Variants in DLG2 observed in about 807,000 individuals in gnomAD.
DLG2 encodes disks large homolog 2.
In DLG2, 45 loss-of-function variants were observed where a neutral mutation model predicts 132.5. The ratio of observed to expected loss-of-function variants is 0.34; its 90% CI spans 0.27 to 0.44. The LOEUF is 0.44. DLG2 is among the 20% of genes least tolerant of loss of function. The probability of loss-of-function intolerance (pLI) is 1.00; values close to 1 mark genes in which losing one functional copy is unlikely to be tolerated. For synonymous variants in DLG2, 424 were observed against 419.6 expected, an observed-to-expected ratio of 1.01 and a Z score of -0.13; for missense variants, 1,045 against 1,196.9, an observed-to-expected ratio of 0.87 and a Z score of 1.87.
At chr11:83,896,497 C>T (rs892179525) in intron 15 of DLG2, among the ~76,000 whole-genome samples, 1 of 152,138 alleles carries the variant, frequency 6.6e-6, no homozygotes, top group African/African-American at 2.4e-5. Context: ...GAAAGATGGA[C>T]CAGCCATATT....
chr11:85,540,498 CT>C (rs1318049404), intron 3 of DLG2, among the ~76,000 whole-genome samples: 11 of 152,298 alleles, frequency 7.2e-5, no homozygotes, highest in South Asian at 2.1e-4. Flanking sequence ...TTCCATCCCC[CT>C]CTGGCCTCCC....
intron 3 of DLG2, among the ~76,000 whole-genome samples, chr11:85,339,226 G>A (rs2082324963): frequency 6.6e-6 from 1 of 152,082 alleles, no homozygotes; most frequent in Non-Finnish European, 1.5e-5. Flanking sequence ...TACTCCATGT[G>A]GATTTGCCAT....
intron 11 of DLG2, among the ~76,000 whole-genome samples, chr11:84,013,201 A>C (rs1262666984): frequency 6.6e-6 from 1 of 152,116 alleles, no homozygotes; most frequent in Non-Finnish European, 1.5e-5. Flanking sequence ...GTTACATGGA[A>C]AGCAGAGATT....
intron 17 of DLG2, among the ~76,000 whole-genome samples, chr11:83,788,668 T>C (rs964186992): frequency 4.6e-5 from 7 of 152,230 alleles, no homozygotes; most frequent in Non-Finnish European, 8.8e-5. Context: ...GGAGGCTGAA[T>C]TGCACAAACT....
intron 7 of DLG2, among the ~76,000 whole-genome samples, chr11:84,351,094 T>C (rs2098565507): frequency 6.6e-6 from 1 of 152,162 alleles, no homozygotes; most frequent in Non-Finnish European, 1.5e-5. Flanking sequence ...TTTTCTGTAC[T>C]TTAAATTCCA....
chr11:85,617,246 G>A (rs543034156), intron 2 of DLG2, among the ~76,000 whole-genome samples: 83 of 152,272 alleles, frequency 5.5e-4, no homozygotes, highest in Non-Finnish European at 9.7e-4. Flanking sequence ...CGATGATGAT[G>A]ATAACACAGG....
Position 84,001,448 on chromosome 11 carries a change from A to G in DLG2, c.920-20806T>C, listed in dbSNP as rs992595149. ...ACCCAGCACTGGATCACCCAGATTCATAATACAAATATTACTAGTTCTGAA... is the reference window on the plus strand; with the variant it reads ...ACCCAGCACTGGATCACCCAGATTCGTAATACAAATATTACTAGTTCTGAA... On this transcript the variant is annotated intron_variant, in intron 11 of 27. Transcript: ENST00000376104. Among the ~76,000 whole-genome samples the G allele has an allele frequency of 5.9e-5, 9 of 152,096 alleles. No individual in the cohort carries two copies. In the South Asian group the frequency reaches 6.2e-4, roughly 10 times the overall value.
intron 17 of DLG2, among the ~76,000 whole-genome samples, chr11:83,787,734 C>A (rs1188108054): frequency 1.3e-5 from 2 of 152,140 alleles, no homozygotes; most frequent in African/African-American, 4.8e-5. Flanking sequence ...TTGCTAACTC[C>A]CATTTTGGGT....
intron 20 of DLG2, among the ~76,000 whole-genome samples, chr11:83,537,836 G>A (rs6592121): frequency 0.53 from 39,201 of 74,390 alleles, 10,316 homozygotes; most frequent in African/African-American, 0.59. Context: ...AAAAAAAAAA[G>A]AGAGAGAGAG....
rs139832723 is a variant in DLG2, at chr11:83,556,522, G to A, written c.1941-14664C>T. On this transcript the variant is annotated intron_variant, in intron 19 of 27. Transcript: ENST00000376104. ...TGTGTAGCTGGGACCACAGGCGTGC[G>A]CCAAACTGCCAGCTAATTTTTGTCT... Among the ~76,000 whole-genome samples, 1,116 of 152,012 alleles carry A rather than the reference G, an allele frequency of 7.3e-3. 18 individuals carry two copies. Among genetic ancestry groups the A allele is most frequent in the African/African-American group, 0.025 (1,045 of 41,476 alleles).
chr11:84,757,162 G>C (rs2066993687), intron 6 of DLG2, among the ~76,000 whole-genome samples: 1 of 151,892 alleles, frequency 6.6e-6, no homozygotes, highest in Non-Finnish European at 1.5e-5. Flanking sequence ...TTCATCCAAG[G>C]ACTCAGTGTG....
intron 4 of DLG2, among the ~76,000 whole-genome samples, chr11:85,267,502 C>A (rs2152727809): frequency 6.6e-6 from 1 of 152,178 alleles, no homozygotes; most frequent in Admixed American, 6.5e-5. Context: ...ATACCCCCCA[C>A]AAAAAACAAA....
At chr11:84,434,382 G>A (rs1178321192) in intron 7 of DLG2, among the ~76,000 whole-genome samples, 2 of 152,098 alleles carry the variant, frequency 1.3e-5, no homozygotes, top group Non-Finnish European at 2.9e-5. Context: ...AGACAAGACA[G>A]ATTAGTGGAT....
At chr11:83,511,103 C>G (rs1270046201) in intron 21 of DLG2, among the ~76,000 whole-genome samples, 1 of 150,786 alleles carries the variant, frequency 6.6e-6, no homozygotes, top group Non-Finnish European at 1.5e-5. Flanking sequence ...CACACACACA[C>G]ACACACACAC....
intron 3 of DLG2, among the ~76,000 whole-genome samples, chr11:85,546,419 G>A (rs1472999578): frequency 6.6e-6 from 1 of 152,086 alleles, no homozygotes; most frequent in African/African-American, 2.4e-5. Context: ...CAATTATGTG[G>A]CCAATTTTAG....
Position 83,461,087 on chromosome 11 carries a change from C to T in DLG2, c.2821+915G>A, listed in dbSNP as rs189917918. ...GCAGTAGCACGATCTCGGCTCACTG[C>T]GACCTCCACCTCCTGGGTTCAAGTG... On this transcript the variant is annotated intron_variant, in intron 27 of 27. Transcript: ENST00000376104. Among the ~76,000 whole-genome samples, 77 of 148,132 alleles carry T rather than the reference C, an allele frequency of 5.2e-4. No individual in the cohort carries two copies. In the East Asian group the frequency reaches 0.013, roughly 25 times the overall value.
At chr11:85,628,322 A>AT (rs201725960), upstream of DLG2, among the ~76,000 whole-genome samples, 1,282 of 152,352 alleles carry the variant, frequency 8.4e-3, 18 homozygotes, top group African/African-American at 0.03. Context: ...TCTTTCCCGC[A>AT]GGACGCGAAG....
chr11:84,986,610 A>T (rs771688529), intron 6 of DLG2, among the ~76,000 whole-genome samples: 1 of 152,072 alleles, frequency 6.6e-6, no homozygotes, highest in Non-Finnish European at 1.5e-5. Context: ...GGATCCAGGG[A>T]TGGTTACGTC....
At chr11:84,280,059 G>T (rs1231711834) in intron 7 of DLG2, among the ~76,000 whole-genome samples, 6 of 152,060 alleles carry the variant, frequency 3.9e-5, no homozygotes, top group African/African-American at 1.2e-4. Context: ...AATAAATACA[G>T]ATTGGAAACA....
Sources: gnomAD v4.1 joint callset for allele counts (sites outside exome capture counted in the v4.1 genomes callset) on GRCh38, gnomAD v4.1.1 for gene constraint, MANE v1.5 for transcripts, NCBI Gene and HGNC (gene_info 2026-07-23, HGNC 2026-07-21) for gene names.